Variants in CADPS2 observed in about 807,000 individuals in gnomAD.
CADPS2 encodes the protein calcium dependent secretion activator 2.
A neutral mutation model predicts 172.5 loss-of-function variants in CADPS2; 93 were observed. The ratio of observed to expected loss-of-function variants is 0.54; its 90% CI spans 0.46 to 0.64. CADPS2 has a LOEUF of 0.64. Ranked by LOEUF, CADPS2 falls within the 30% of genes least tolerant of loss-of-function variation. The pLI is 0.00. For synonymous variants in CADPS2, 546 were observed against 555.2 expected, an observed-to-expected ratio of 0.98 and a Z score of 0.23; for missense variants, 1,420 against 1,565.9, an observed-to-expected ratio of 0.91 and a Z score of 1.57.
intron 2 of CADPS2, among the ~76,000 whole-genome samples, chr7:122,693,461 G>A (rs867220233): frequency 1.6e-4 from 25 of 152,160 alleles, no homozygotes; most frequent in African/African-American, 5.8e-4. Flanking sequence ...CTGATTAAAG[G>A]TTCTTTGGAA....
intron 6 of CADPS2, among the ~76,000 whole-genome samples, chr7:122,606,071 G>A (rs1563836374): frequency 6.6e-6 from 1 of 152,102 alleles, no homozygotes; most frequent in Non-Finnish European, 1.5e-5. Flanking sequence ...CAACTTTACT[G>A]AAAGTAAAAT....
chr7:122,847,586 T>C (rs1584891403), intron 1 of CADPS2, among the ~76,000 whole-genome samples: 1 of 149,186 alleles, frequency 6.7e-6, no homozygotes, highest in East Asian at 1.9e-4. Context: ...GCCTTTGCTG[T>C]AGCTACTTAG....
At chr7:122,381,245 G>A (rs146856904) in intron 24 of CADPS2, among the ~76,000 whole-genome samples, 5 of 152,202 alleles carry the variant, frequency 3.3e-5, no homozygotes, top group East Asian at 1.9e-4. Context: ...CTTGTTTCAC[G>A]TCCTTCTTGC....
chr7:122,423,962 G>T (rs997410193), intron 17 of CADPS2, among the ~76,000 whole-genome samples: 1 of 152,146 alleles, frequency 6.6e-6, no homozygotes, highest in Non-Finnish European at 1.5e-5. Flanking sequence ...CTGAAATCAA[G>T]CTATACTTTT....
chr7:122,438,931 GA>G (rs5887090), intron 16 of CADPS2, among the ~76,000 whole-genome samples: 48,522 of 146,584 alleles, frequency 0.33, 8,156 homozygotes, highest in Admixed American at 0.39. Flanking sequence ...TTTGAGCTCT[GA>G]AAAAAAAAAA....
At chr7:122,732,257 G>A (rs115622760) in intron 2 of CADPS2, among the ~76,000 whole-genome samples, 1,870 of 151,334 alleles carry the variant, frequency 0.012, 41 homozygotes, top group African/African-American at 0.043. Context: ...AATATATCTC[G>A]GGTTTCATAC....
intron 1 of CADPS2, among the ~76,000 whole-genome samples, chr7:122,837,075 T>C (rs1169601423): frequency 6.6e-6 from 1 of 152,178 alleles, no homozygotes; most frequent in African/African-American, 2.4e-5. Flanking sequence ...TATAACAAAC[T>C]GTCTCTCAGA....
At chr7:122,782,232 G>T (rs905248852) in intron 1 of CADPS2, among the ~76,000 whole-genome samples, 2 of 152,052 alleles carry the variant, frequency 1.3e-5, no homozygotes, top group East Asian at 1.9e-4. Flanking sequence ...GATTTTCAGG[G>T]ACAAAATAAC....
chr7:122,881,308 A>G (rs776368909), intron 1 of CADPS2, among the ~76,000 whole-genome samples: 1 of 152,194 alleles, frequency 6.6e-6, no homozygotes, highest in African/African-American at 2.4e-5. Flanking sequence ...TGAAGGAAAG[A>G]AGCAAATGAC....
At chr7:122,472,429 A>G (rs983397702) in intron 13 of CADPS2, among the ~76,000 whole-genome samples, 1 of 152,180 alleles carries the variant, frequency 6.6e-6, no homozygotes, top group African/African-American at 2.4e-5. Context: ...GAAGATAAAT[A>G]AGCTAAAGCT....
intron 1 of CADPS2, among the ~76,000 whole-genome samples, chr7:122,853,070 G>A (rs1399081831): frequency 1.3e-5 from 2 of 152,166 alleles, no homozygotes; most frequent in Non-Finnish European, 2.9e-5. Context: ...CACAGTTAAG[G>A]AAAAGGCCTT....
chr7:122,689,831 A>G (rs943438645), intron 2 of CADPS2, among the ~76,000 whole-genome samples: 20 of 152,134 alleles, frequency 1.3e-4, no homozygotes, highest in African/African-American at 4.6e-4. Flanking sequence ...TGCTCTATAC[A>G]TGGTGGTGTC....
At chr7:122,881,383 T>A (rs1585137224) in intron 1 of CADPS2, among the ~76,000 whole-genome samples, 1 of 152,186 alleles carries the variant, frequency 6.6e-6, no homozygotes, top group African/African-American at 2.4e-5. Flanking sequence ...AGTGCTGTGG[T>A]CTCAGGATAC....
intron 25 of CADPS2, among the ~76,000 whole-genome samples, chr7:122,362,675 A>G (rs1171172734): frequency 1.3e-5 from 2 of 152,188 alleles, no homozygotes; most frequent in Non-Finnish European, 2.9e-5. Flanking sequence ...AAATGCTGAC[A>G]AGGTTTTTTC....
intron 27 of CADPS2, 147 bp downstream of exon 27, chr7:122,360,641 T>C: frequency 1.5e-6 from 1 of 680,570 alleles, no homozygotes; most frequent in Non-Finnish European, 2.5e-6. Flanking sequence ...TATGTCTTGT[T>C]ATGAAGGTTA....
intron 14 of CADPS2, among the ~76,000 whole-genome samples, chr7:122,465,902 A>G (rs1442463481): frequency 6.6e-6 from 1 of 152,212 alleles, no homozygotes; most frequent in Non-Finnish European, 1.5e-5. Context: ...ATAGATCTAC[A>G]AATATCAAAC....
intron 3 of CADPS2, among the ~76,000 whole-genome samples, chr7:122,647,273 A>C (rs551837543): frequency 4.6e-5 from 7 of 152,128 alleles, no homozygotes; most frequent in African/African-American, 1.4e-4. Flanking sequence ...TAAATTCTCA[A>C]ACTCTACAAG....
At chr7:122,710,321 T>C (rs2136670545) in intron 2 of CADPS2, among the ~76,000 whole-genome samples, 1 of 152,090 alleles carries the variant, frequency 6.6e-6, no homozygotes, top group African/African-American at 2.4e-5. Flanking sequence ...ATCCCTCCCG[T>C]GAAGGAGCAG....
chr7:122,685,925 A>G (rs1218286708), intron 2 of CADPS2, among the ~76,000 whole-genome samples: 1 of 152,210 alleles, frequency 6.6e-6, no homozygotes, highest in Non-Finnish European at 1.5e-5. Flanking sequence ...ATACACTCCC[A>G]ATGCCTTACC....
Sources: allele counts gnomAD v4.1 joint callset (sites outside exome capture counted in the v4.1 genomes callset), GRCh38; gene constraint gnomAD v4.1.1; transcripts MANE v1.5; gene names NCBI Gene and HGNC (gene_info 2026-07-23, HGNC 2026-07-21).